Variants in ATP11A observed in about 807,000 individuals in gnomAD.
The protein encoded by ATP11A is phospholipid-transporting ATPase IH.
ATP11A carries 81 observed loss-of-function variants against 154.4 expected under a neutral mutation model. The observed-to-expected ratio is 0.52, with a 90% CI of 0.44 to 0.63. ATP11A has a LOEUF of 0.63. Among genes scored for constraint, ATP11A ranks in the 30% least tolerant of loss-of-function variants. ATP11A has a pLI of 0.00. For synonymous variants in ATP11A, 623 were observed against 585.9 expected, an observed-to-expected ratio of 1.06 and a Z score of -0.91; for missense variants, 1,316 against 1,474.3, an observed-to-expected ratio of 0.89 and a Z score of 1.76.
intron 1 of ATP11A, among the ~76,000 whole-genome samples, chr13:112,770,656 GT>G (rs1478953143): frequency 1.3e-5 from 2 of 152,214 alleles, no homozygotes; most frequent in Non-Finnish European, 2.9e-5. Context: ...CGGAGGGCCT[GT>G]TTGCGTTTAT....
intron 25 of ATP11A, among the ~76,000 whole-genome samples, chr13:112,867,386 G>A (rs1202546595): frequency 1.3e-5 from 2 of 152,180 alleles, no homozygotes; most frequent in African/African-American, 2.4e-5. Context: ...AAATTTCAGC[G>A]TGAATGTGAA....
chr13:112,816,219 G>A lies in ATP11A; in HGVS notation c.570+8G>A. On this transcript the variant is annotated splice_region_variant and intron_variant, in intron 6 of 29. Coordinates refer to ENST00000375645, the MANE Select transcript of ATP11A (RefSeq NM_015205.3). ...GGAGAATCCAGCCATAAAGTAAGGGGCCTTTTCATTAGACTCCAGGGCAGG... is the reference window on the plus strand; with the variant it reads ...GGAGAATCCAGCCATAAAGTAAGGGACCTTTTCATTAGACTCCAGGGCAGG... The A allele has an allele frequency of 6.2e-7, 1 of 1,614,076 alleles. No individual in the cohort carries two copies. Among genetic ancestry groups the A allele is most frequent in the South Asian group, 1.1e-5 (1 of 91,074 alleles).
intron 1 of ATP11A, among the ~76,000 whole-genome samples, chr13:112,706,197 T>C (rs1594351542): frequency 6.6e-6 from 1 of 152,346 alleles, no homozygotes; most frequent in East Asian, 1.9e-4. Flanking sequence ...TTTTTTTCTT[T>C]TAAATAATTG....
At chr13:112,730,678 C>T (rs1890396127) in intron 1 of ATP11A, among the ~76,000 whole-genome samples, 1 of 152,208 alleles carries the variant, frequency 6.6e-6, no homozygotes, top group African/African-American at 2.4e-5. Flanking sequence ...GGGTCCATCA[C>T]ATGAGCCTAC....
chr13:112,868,979 G>A (rs1233212867), intron 25 of ATP11A, among the ~76,000 whole-genome samples: 3 of 152,030 alleles, frequency 2.0e-5, no homozygotes, highest in East Asian at 1.9e-4. Flanking sequence ...GAACTCACTC[G>A]CCCACCGTCA....
chr13:112,745,650 T>C (rs989803330), intron 1 of ATP11A: 11 of 151,926 alleles, frequency 7.2e-5, no homozygotes, highest in African/African-American at 2.7e-4. Context: ...TGAGAATGAG[T>C]GAGGAAAGCC....
At chr13:112,851,850 A>T (rs1281343994) in intron 18 of ATP11A, 1 of 152,262 alleles carries the variant, frequency 6.6e-6, no homozygotes, top group African/African-American at 2.4e-5. Context: ...TGGAATCAAC[A>T]ACTAACTCTG....
At position 112,818,185 on chromosome 13, in the gene ATP11A, C is replaced by T. The variant is rs114265220; in HGVS notation, c.571-1119C>T. 9.3e-3 allele frequency among the ~76,000 whole-genome samples: 1,176 copies of T among 127,036 alleles called. 24 individuals carry two copies. The highest frequency in any genetic ancestry group is 0.034 in the African/African-American group (1,079 of 32,088). 83.3% of individuals were successfully genotyped at this position (127,036 alleles called of 152,430 possible). A position where few individuals can be genotyped will look rare whatever the true frequency, so the allele number is the denominator to read the frequency against. On this transcript the variant is annotated intron_variant, in intron 6 of 29. Coordinates refer to ENST00000375645, the MANE Select transcript of ATP11A (RefSeq NM_015205.3). The stretch of plus-strand genomic sequence containing the variant: ...CGCTTGGTGACAGGGCGGTGACCGT[C>T]GGTGCGCTTGGTGACGGGCAGTGAC...
chr13:112,724,018 A>G (rs899419803), intron 1 of ATP11A, among the ~76,000 whole-genome samples: 1 of 151,784 alleles, frequency 6.6e-6, no homozygotes, highest in African/African-American at 2.4e-5. Context: ...AATAAAGAAG[A>G]TGAGCATCGC....
At position 112,845,522 on chromosome 13, in the gene ATP11A, G is replaced by A. The variant is rs981199921; in HGVS notation, c.1809+3143G>A. 6.6e-5 allele frequency among the ~76,000 whole-genome samples: 8 copies of A among 121,464 alleles called. 1 individual carries two copies. The highest frequency in any genetic ancestry group is 2.4e-4 in the Admixed American group (3 of 12,250). 79.7% of individuals were successfully genotyped at this position (121,464 alleles called of 152,430 possible). On this transcript the variant is annotated intron_variant, in intron 17 of 29. Coordinates refer to ENST00000375645, the MANE Select transcript of ATP11A (RefSeq NM_015205.3). ...AACCAGTCCAGTTGCCGGCACTAGC[G>A]GTACTAACCAGTCCAGTTGCTGGCA...
At chr13:112,755,596 A>G (rs1441515562) in intron 1 of ATP11A, among the ~76,000 whole-genome samples, 2 of 152,208 alleles carry the variant, frequency 1.3e-5, no homozygotes, top group African/African-American at 2.4e-5. Flanking sequence ...CAGCTCCCAG[A>G]ACCATTTCCA....
chr13:112,836,022 A>C (rs1302207329), intron 15 of ATP11A, among the ~76,000 whole-genome samples, 156 bp from the exon 16 acceptor site: 2 of 152,172 alleles, frequency 1.3e-5, no homozygotes, highest in Admixed American at 1.3e-4. Context: ...CAGGGCATCC[A>C]TGGGAGGACA....
rs540181476 is a variant in ATP11A at position 112,850,754 on chromosome 13, C to G, written c.1810-283C>G. Among the ~76,000 whole-genome samples the G allele has an allele frequency of 2.0e-5, 3 of 152,270 alleles. No homozygotes were observed. In the South Asian group the frequency reaches 6.2e-4, roughly 32 times the overall value. On this transcript the variant is annotated intron_variant, in intron 17 of 29. Coordinates refer to ENST00000375645, the MANE Select transcript of ATP11A (RefSeq NM_015205.3). ...TGATAGATGACTCTGATTTCTGTTA[C>G]TTATTTCCAGGCTTTCTAGTCTGAA...
intron 16 of ATP11A, among the ~76,000 whole-genome samples, chr13:112,837,508 C>G (rs940849671): frequency 6.6e-6 from 1 of 152,230 alleles, no homozygotes; most frequent in Non-Finnish European, 1.5e-5. Flanking sequence ...CACCCTCCGC[C>G]GAGTGCTCCC....
At chr13:112,868,094 G>C (rs2080396048) in intron 25 of ATP11A, among the ~76,000 whole-genome samples, 1 of 152,236 alleles carries the variant, frequency 6.6e-6, no homozygotes, top group African/African-American at 2.4e-5. Context: ...TCATTTTGAT[G>C]CCACAAATGA....
intron 5 of ATP11A, chr13:112,811,819 A>G (rs1447182241): frequency 1.3e-5 from 2 of 152,180 alleles, no homozygotes; most frequent in Admixed American, 1.3e-4. Flanking sequence ...TGTTGGCCAG[A>G]CTGGTCTCGA....
intron 1 of ATP11A, among the ~76,000 whole-genome samples, chr13:112,769,758 G>C (rs1438131117): frequency 6.6e-6 from 1 of 152,218 alleles, no homozygotes; most frequent in East Asian, 1.9e-4. Context: ...CTGTGGTGAA[G>C]AGGAGTCTCT....
intron 1 of ATP11A, among the ~76,000 whole-genome samples, chr13:112,742,346 C>T (rs1891651274): frequency 6.6e-6 from 1 of 152,094 alleles, no homozygotes; most frequent in East Asian, 1.9e-4. Flanking sequence ...GCGCCTGAGA[C>T]ACTAGTGTCT....
At chr13:112,749,533 C>T (rs1368244185) in intron 1 of ATP11A, among the ~76,000 whole-genome samples, 1 of 152,174 alleles carries the variant, frequency 6.6e-6, no homozygotes, top group Non-Finnish European at 1.5e-5. Context: ...TTACAGAACT[C>T]AGAAAAGAAG....
Sources: gnomAD v4.1 joint callset for allele counts (sites outside exome capture counted in the v4.1 genomes callset) on GRCh38, gnomAD v4.1.1 for gene constraint, MANE v1.5 for transcripts, NCBI Gene and HGNC (gene_info 2026-07-23, HGNC 2026-07-21) for gene names.